Variants in C11orf65 observed in about 807,000 individuals in gnomAD.
C11orf65 encodes the protein chromosome 11 open reading frame 65, also known as protein MFI.
Under a neutral mutation model 35.3 loss-of-function variants are expected in C11orf65, and 38 were observed. The observed-to-expected ratio is 1.08, with a 90% CI of 0.83 to 1.41. The LOEUF (loss-of-function observed/expected upper bound fraction) is 1.41. Among genes scored for constraint, C11orf65 ranks in the 40% most tolerant of loss-of-function variants. The probability of loss-of-function intolerance (pLI) is 0.00; values close to 1 mark genes in which losing one functional copy is unlikely to be tolerated. For missense variants in C11orf65, 370 were observed against 367.1 expected (o/e 1.01, Z -0.06); for synonymous variants, 105 against 114.4 (o/e 0.92, Z 0.53).
chr11:108,333,827 C>G (rs1401008147), intron 3 of C11orf65: 2 of 1,339,910 alleles, frequency 1.5e-6, no homozygotes, highest in Non-Finnish European at 2.1e-6. Flanking sequence ...ACTATTCCTG[C>G]TTGACCTTCA....
At chr11:108,352,291 A>C (rs1376914708) in intron 2 of C11orf65, among the ~76,000 whole-genome samples, 1 of 152,238 alleles carries the variant, frequency 6.6e-6, no homozygotes, top group African/African-American at 2.4e-5. Context: ...AAAATATAGT[A>C]AGTCTCAGCA....
chr11:108,332,095 T>C, intron 3 of C11orf65: 1 of 1,590,704 alleles, frequency 6.3e-7, no homozygotes, highest in East Asian at 2.3e-5. Context: ...TTTCCTAGAA[T>C]ATTTCTTTTT....
chr11:108,356,449 T>G (rs2089930162), intron 2 of C11orf65, among the ~76,000 whole-genome samples: 1 of 149,954 alleles, frequency 6.7e-6, no homozygotes, highest in Non-Finnish European at 1.5e-5. Context: ...GGCAGGAGAA[T>G]CGCTTGAACC....
chr11:108,408,484 T>C (rs1335497740), intron 3 of C11orf65, among the ~76,000 whole-genome samples: 1 of 151,682 alleles, frequency 6.6e-6, no homozygotes, highest in Non-Finnish European at 1.5e-5. Flanking sequence ...AAAGCCAGCC[T>C]GGCCAACATG....
intron 6 of C11orf65, among the ~76,000 whole-genome samples, chr11:108,321,802 T>G (rs1475747142): frequency 6.6e-6 from 1 of 151,298 alleles, no homozygotes; most frequent in South Asian, 2.1e-4. Flanking sequence ...AAAAAAAAAC[T>G]ATGTAGAGAC....
intron 3 of C11orf65, among the ~76,000 whole-genome samples, chr11:108,410,222 C>T (rs2092629895): frequency 6.6e-6 from 1 of 152,086 alleles, no homozygotes; most frequent in Admixed American, 6.6e-5. Flanking sequence ...ACTGTCAATC[C>T]TTCTAATTTT....
intron 6 of C11orf65, among the ~76,000 whole-genome samples, chr11:108,401,967 A>G (rs1252469032): frequency 6.6e-6 from 1 of 152,092 alleles, no homozygotes; most frequent in Non-Finnish European, 1.5e-5. Context: ...GGCCCAGCCA[A>G]CTCTCGATCT....
At chr11:108,430,792 C>A (rs1235093809) in intron 3 of C11orf65, among the ~76,000 whole-genome samples, 1 of 151,858 alleles carries the variant, frequency 6.6e-6, no homozygotes, top group Non-Finnish European at 1.5e-5. Context: ...CTGCAGTGAG[C>A]CCTGATCGTG....
At chr11:108,361,857 C>T (rs543731988) in intron 2 of C11orf65, among the ~76,000 whole-genome samples, 1 of 151,514 alleles carries the variant, frequency 6.6e-6, no homozygotes, top group African/African-American at 2.4e-5. Flanking sequence ...AGAAGAAAAC[C>T]TAGGCATTAC....
At chr11:108,451,761 C>T (rs964072522) in intron 2 of C11orf65, among the ~76,000 whole-genome samples, 1 of 152,184 alleles carries the variant, frequency 6.6e-6, no homozygotes, top group South Asian at 2.1e-4. Context: ...AAGTCTACTA[C>T]AAGGCTACAG....
downstream of C11orf65, chr11:108,330,076 T>G (rs1466037842): frequency 1.6e-5 from 14 of 872,466 alleles, no homozygotes; most frequent in Middle Eastern, 3.3e-4. Flanking sequence ...TTTATTCCCT[T>G]TATAATCCTT....
downstream of C11orf65, among the ~76,000 whole-genome samples, chr11:108,379,482 G>C (rs985371852): frequency 7.7e-6 from 1 of 130,060 alleles, no homozygotes; most frequent in Admixed American, 8.0e-5. Flanking sequence ...GTTGTGGGGT[G>C]GGGGGAGGGG....
intron 6 of C11orf65, among the ~76,000 whole-genome samples, chr11:108,400,483 A>T (rs898267996): frequency 6.6e-6 from 1 of 152,194 alleles, no homozygotes; most frequent in Admixed American, 6.5e-5. Context: ...AAGAGCAGGA[A>T]AGGTGATGTA....
intron 3 of C11orf65, among the ~76,000 whole-genome samples, chr11:108,424,598 A>G (rs1436973409): frequency 6.6e-6 from 1 of 152,176 alleles, no homozygotes; most frequent in Non-Finnish European, 1.5e-5. Context: ...CATTAGACAG[A>G]TCAACGAGAC....
At chr11:108,448,199 A>T (rs1397170025) in intron 2 of C11orf65, among the ~76,000 whole-genome samples, 1 of 152,246 alleles carries the variant, frequency 6.6e-6, no homozygotes, top group Admixed American at 6.5e-5. Context: ...GAATTCTACC[A>T]GAGGTACAAG....
chr11:108,436,478 T>C (rs576575603), intron 2 of C11orf65, among the ~76,000 whole-genome samples: 35 of 152,184 alleles, frequency 2.3e-4, no homozygotes, highest in African/African-American at 7.7e-4. Context: ...TTTGGGAAGG[T>C]TGTGAATATG....
chr11:108,312,721 G>A (rs903151412), intron 6 of C11orf65, among the ~76,000 whole-genome samples: 2 of 152,132 alleles, frequency 1.3e-5, no homozygotes, highest in South Asian at 2.1e-4. Flanking sequence ...TCTGAAAGAC[G>A]AAGGTAAAAC....
At chr11:108,335,310 T>A in intron 2 of C11orf65, 1 of 1,474,334 alleles carries the variant, frequency 6.8e-7, no homozygotes, top group East Asian at 2.6e-5. Flanking sequence ...ACAATCATTA[T>A]TATATGGTTG....
chr11:108,329,347 T>A, downstream of C11orf65: 1 of 1,023,080 alleles, frequency 9.8e-7, no homozygotes, highest in Non-Finnish European at 1.5e-6. Flanking sequence ...TTTTGAGCTC[T>A]AAAGGTCGGC....
Sources: gnomAD v4.1 joint callset for allele counts (sites outside exome capture counted in the v4.1 genomes callset) on GRCh38, gnomAD v4.1.1 for gene constraint, MANE v1.5 for transcripts, NCBI Gene and HGNC (gene_info 2026-07-23, HGNC 2026-07-21) for gene names.